Variants in FAF2 observed in about 807,000 individuals in gnomAD.
The protein encoded by FAF2 is FAS-associated factor 2.
FAF2 carries 9 observed loss-of-function variants against 62.3 expected under a neutral mutation model. The observed-to-expected ratio is 0.14, with a 90% CI of 0.09 to 0.25. FAF2 has a LOEUF of 0.25. Among genes scored for constraint, FAF2 ranks in the 10% least tolerant of loss-of-function variants. The pLI is 1.00. For missense variants in FAF2, 368 were observed against 556.2 expected, an observed-to-expected ratio of 0.66 and a Z score of 3.40; for synonymous variants, 202 against 198.0, an observed-to-expected ratio of 1.02 and a Z score of -0.17.
chr5:176,470,227 T>C (rs1459189898), intron 1 of FAF2, among the ~76,000 whole-genome samples: 1 of 152,242 alleles, frequency 6.6e-6, no homozygotes, highest in Non-Finnish European at 1.5e-5. Flanking sequence ...TACTAATGGT[T>C]GGAACCACCA....
intron 1 of FAF2, among the ~76,000 whole-genome samples, chr5:176,463,026 G>A (rs954191313): frequency 5.3e-5 from 8 of 152,118 alleles, no homozygotes; most frequent in African/African-American, 1.9e-4. Context: ...GTTGAATATA[G>A]CCAACATACT....
At chr5:176,475,207 C>T (rs1758667374) in intron 1 of FAF2, among the ~76,000 whole-genome samples, 1 of 152,134 alleles carries the variant, frequency 6.6e-6, no homozygotes, top group Non-Finnish European at 1.5e-5. Context: ...CAGTTTACTG[C>T]AGTCTTGACC....
At chr5:176,502,564 G>A (rs989155070) in intron 10 of FAF2, among the ~76,000 whole-genome samples, 2 of 150,344 alleles carry the variant, frequency 1.3e-5, no homozygotes, top group African/African-American at 4.9e-5. Context: ...TGGGCAACAA[G>A]TGTGAAACTC....
At chr5:176,450,505 C>T in intron 1 of FAF2, among the ~76,000 whole-genome samples, 1 of 151,558 alleles carries the variant, frequency 6.6e-6, no homozygotes, top group East Asian at 1.9e-4. Context: ...TCTATGATAG[C>T]ATTTCTGAAG....
intron 1 of FAF2, among the ~76,000 whole-genome samples, chr5:176,478,934 A>G (rs577079597): frequency 6.6e-6 from 1 of 152,290 alleles, no homozygotes; most frequent in East Asian, 1.9e-4. Context: ...TGAGAGGAGA[A>G]TATTGATCTT....
intron 4 of FAF2, among the ~76,000 whole-genome samples, chr5:176,491,528 G>T (rs892828644): frequency 6.6e-6 from 1 of 152,104 alleles, no homozygotes; most frequent in African/African-American, 2.4e-5. Flanking sequence ...GTTCCTATCC[G>T]TAAGTTGAAT....
At chr5:176,485,249 A>T (rs932434222) in intron 2 of FAF2, among the ~76,000 whole-genome samples, 1 of 152,236 alleles carries the variant, frequency 6.6e-6, no homozygotes, top group East Asian at 1.9e-4. Context: ...CAGTGCTTCC[A>T]GAGAATTTAT....
At chr5:176,471,291 T>G (rs1277250902) in intron 1 of FAF2, among the ~76,000 whole-genome samples, 1 of 151,928 alleles carries the variant, frequency 6.6e-6, no homozygotes, top group African/African-American at 2.4e-5. Flanking sequence ...CTTTAAAATG[T>G]GCATATGATC....
Position 176,494,403 on chromosome 5 carries a change from A to G in FAF2, c.661+128A>G. 1 of 751,450 alleles carries G rather than the reference A, an allele frequency of 1.3e-6. No homozygotes were observed. The highest frequency in any genetic ancestry group is 2.3e-6 in the Non-Finnish European group (1 of 428,420). The allele number at this position is 751,450 out of a possible 1,614,324, so 46.5% of individuals were successfully genotyped here. ...TAGATACGACGCTAGTTGCTATTTT[A>G]TATTGTCTCATTTAATCCTCTCAGC... On this transcript the variant is annotated intron_variant, in intron 7 of 10. Transcript: ENST00000261942. This position sits in a 1 kb window ranked among gnomAD's most constrained non-coding sequence, Gnocchi z 4.0.
chr5:176,464,209 A>T (rs1008527274), intron 1 of FAF2, among the ~76,000 whole-genome samples: 1 of 151,904 alleles, frequency 6.6e-6, no homozygotes, highest in African/African-American at 2.4e-5. Flanking sequence ...TGGCCTCCCA[A>T]AGTGTTGGGA....
chr5:176,449,327 A>G (rs1167844379), intron 1 of FAF2, among the ~76,000 whole-genome samples: 1 of 152,216 alleles, frequency 6.6e-6, no homozygotes, highest in African/African-American at 2.4e-5. Flanking sequence ...CTGTAATCCC[A>G]GCACTTTGGG....
chr5:176,453,559 C>G (rs1331006803), intron 1 of FAF2: 2 of 151,878 alleles, frequency 1.3e-5, no homozygotes, highest in African/African-American at 4.8e-5. Flanking sequence ...GAAAAAAAAA[C>G]ACATGGTGCT....
chr5:176,476,221 C>T (rs1445353350), intron 1 of FAF2, among the ~76,000 whole-genome samples: 1 of 152,016 alleles, frequency 6.6e-6, no homozygotes, highest in Non-Finnish European at 1.5e-5. Flanking sequence ...GATCGTTCCA[C>T]TGCACTCCAG....
At chr5:176,483,557 C>G (rs1758819467) in intron 2 of FAF2, among the ~76,000 whole-genome samples, 2 of 152,092 alleles carry the variant, frequency 1.3e-5, no homozygotes, top group Admixed American at 1.3e-4. Context: ...AGGGGACTAC[C>G]TGATATTAGC....
intron 1 of FAF2, among the ~76,000 whole-genome samples, chr5:176,462,773 A>G (rs937145355): frequency 2.6e-5 from 4 of 152,204 alleles, no homozygotes; most frequent in African/African-American, 9.6e-5. Context: ...CATCTTATGC[A>G]TGTGAAATTC....
intron 10 of FAF2, among the ~76,000 whole-genome samples, chr5:176,505,209 C>G (rs1383263954): frequency 6.6e-6 from 1 of 152,132 alleles, no homozygotes; most frequent in African/African-American, 2.4e-5. Flanking sequence ...TGGGGTTGAT[C>G]TGAATGAGGT....
At position 176,497,374 on chromosome 5, in the gene FAF2, C is replaced by G. The variant is rs77716192; in HGVS notation, c.839+711C>G. Among the ~76,000 whole-genome samples the G allele has an allele frequency of 6.6e-5, 10 of 152,316 alleles. No homozygotes were observed. The East Asian group carries it at 1.9e-3, about 29-fold the overall frequency. On this transcript the variant is annotated intron_variant, in intron 8 of 10. Transcript: ENST00000261942. ...TTTAAGATCACTGATAAACCTACCA[C>G]CACTTGAACATTGTTATAAATTTTT...
At chr5:176,501,177 A>G (rs1039408041) in intron 10 of FAF2, among the ~76,000 whole-genome samples, 1 of 152,210 alleles carries the variant, frequency 6.6e-6, no homozygotes. Flanking sequence ...TTGTTGTTAG[A>G]ATTAAATTCT....
In FAF2 at chr5:176,496,681, T is replaced by G. The variant is rs1424118846; in HGVS notation, c.839+18T>G. The G allele has an allele frequency of 6.7e-6, 10 of 1,500,250 alleles. No individual in the cohort carries two copies. Among genetic ancestry groups the G allele is most frequent in the Non-Finnish European group, 8.9e-6 (10 of 1,122,218 alleles). 92.9% of individuals were successfully genotyped at this position (1,500,250 alleles called of 1,614,324 possible). A position where few individuals can be genotyped will look rare whatever the true frequency, so the allele number is the denominator to read the frequency against. ...CTAGAAAGGTACAAGGGAGTTCCCT[T>G]CTGGAACAGAGAGAGACCAGTTGTA... On this transcript the variant is annotated intron_variant, in intron 8 of 10. Coordinates refer to ENST00000261942, the MANE Select transcript of FAF2 (RefSeq NM_014613.3).
Sources: allele counts gnomAD v4.1 joint callset (sites outside exome capture counted in the v4.1 genomes callset), GRCh38; gene constraint gnomAD v4.1.1; non-coding constraint Gnocchi (gnomAD v3.1); transcripts MANE v1.5; gene names NCBI Gene and HGNC (gene_info 2026-07-23, HGNC 2026-07-21).